Variants in RAP1GDS1 observed in about 807,000 individuals in gnomAD.
RAP1GDS1 encodes RAP1, GTP-GDP dissociation stimulator 1.
Under a neutral mutation model 71.1 loss-of-function variants are expected in RAP1GDS1, and 35 were observed. That is an observed-to-expected ratio of 0.49 (90% CI 0.38 to 0.65). The LOEUF (loss-of-function observed/expected upper bound fraction) is 0.65, where lower values mean the gene tolerates loss of function less well. RAP1GDS1 is among the 30% of genes least tolerant of loss of function. RAP1GDS1 has a pLI of 0.00. For missense variants in RAP1GDS1, 663 were observed against 706.1 expected (o/e 0.94, Z 0.69); for synonymous variants, 229 against 243.1 (o/e 0.94, Z 0.54).
In RAP1GDS1 at chr4:98,406,824, T is replaced by C. The variant is rs555634848; in HGVS notation, c.763+2222T>C. ...AAGTGAGTTGTCTAGTAACCAATTA[T>C]AAAAAGAAAACCAGGAAATCGCTGT... On this transcript the variant is annotated intron_variant, in intron 7 of 14. Coordinates refer to ENST00000408927, the MANE Select transcript of RAP1GDS1 (RefSeq NM_001100427.2). Among the ~76,000 whole-genome samples, 4 of 152,060 alleles carry C rather than the reference T, an allele frequency of 2.6e-5. No homozygotes were observed. The South Asian group carries it at 6.2e-4, about 24-fold the overall frequency.
intron 4 of RAP1GDS1, among the ~76,000 whole-genome samples, chr4:98,365,045 T>C (rs777068922): frequency 1.3e-5 from 2 of 151,990 alleles, no homozygotes; most frequent in Non-Finnish European, 2.9e-5. Context: ...AAAGTATGTA[T>C]GTGAATAAAC....
intron 4 of RAP1GDS1, 47 bp downstream of exon 4, chr4:98,352,648 GAT>G: frequency 6.3e-7 from 1 of 1,597,972 alleles, no homozygotes; most frequent in Non-Finnish European, 8.5e-7. Flanking sequence ...TAAGAATTAT[GAT>G]ATTCAGACTA....
chr4:98,320,025 G>C (rs1731560573), intron 2 of RAP1GDS1, among the ~76,000 whole-genome samples: 1 of 152,062 alleles, frequency 6.6e-6, no homozygotes, highest in Admixed American at 6.6e-5. Context: ...TCCACTTAAT[G>C]AATAGTAAAA....
chr4:98,315,069 T>G (rs1730750395), intron 2 of RAP1GDS1, among the ~76,000 whole-genome samples: 1 of 152,188 alleles, frequency 6.6e-6, no homozygotes, highest in Non-Finnish European at 1.5e-5. Flanking sequence ...TCCTTCCTTG[T>G]AGAATGTATT....
chr4:98,308,348 G>C (rs1244956176), intron 2 of RAP1GDS1, among the ~76,000 whole-genome samples: 3 of 123,752 alleles, frequency 2.4e-5, no homozygotes, highest in Non-Finnish European at 3.3e-5. Flanking sequence ...AGGCATGGTG[G>C]TGTGTCTCTC....
intron 2 of RAP1GDS1, among the ~76,000 whole-genome samples, chr4:98,325,886 A>G (rs437282): frequency 0.062 from 9,148 of 147,830 alleles, 412 homozygotes; most frequent in Middle Eastern, 0.16. Context: ...ACTAACGTGC[A>G]CAATATGCAC....
intron 3 of RAP1GDS1, among the ~76,000 whole-genome samples, chr4:98,348,082 A>G (rs890791026): frequency 2.6e-5 from 4 of 152,168 alleles, no homozygotes; most frequent in African/African-American, 4.8e-5. Flanking sequence ...CGTCATTTAC[A>G]TTAGGTATAT....
At chr4:98,303,106 A>T (rs999823979) in intron 2 of RAP1GDS1, among the ~76,000 whole-genome samples, 1 of 152,168 alleles carries the variant, frequency 6.6e-6, no homozygotes, top group African/African-American at 2.4e-5. Flanking sequence ...CCACATAGCA[A>T]TACAGAATTC....
At chr4:98,333,143 A>G (rs1734230241) in intron 2 of RAP1GDS1, among the ~76,000 whole-genome samples, 1 of 151,840 alleles carries the variant, frequency 6.6e-6, no homozygotes, top group Non-Finnish European at 1.5e-5. Context: ...TCTCTTTCCT[A>G]CTTATTTTAC....
intron 5 of RAP1GDS1, among the ~76,000 whole-genome samples, chr4:98,383,373 T>C (rs1387939150): frequency 1.3e-5 from 2 of 151,590 alleles, no homozygotes; most frequent in Admixed American, 1.3e-4. Flanking sequence ...ATATGCAGTC[T>C]AGGCTTCTTC....
chr4:98,309,533 T>C (rs555630431), intron 2 of RAP1GDS1, among the ~76,000 whole-genome samples: 1 of 152,000 alleles, frequency 6.6e-6, no homozygotes, highest in African/African-American at 2.4e-5. Flanking sequence ...AAATACAAAA[T>C]AGAGAGTAAA....
At chr4:98,380,458 T>C (rs1381998051) in intron 5 of RAP1GDS1, among the ~76,000 whole-genome samples, 1 of 151,828 alleles carries the variant, frequency 6.6e-6, no homozygotes, top group Non-Finnish European at 1.5e-5. Flanking sequence ...ATAGAGTTTT[T>C]ATTGATCAAA....
intron 5 of RAP1GDS1, among the ~76,000 whole-genome samples, chr4:98,380,537 C>T (rs1195549554): frequency 6.6e-6 from 1 of 151,630 alleles, no homozygotes; most frequent in South Asian, 2.1e-4. Context: ...ATCTGTTTTT[C>T]CTTCCTTCTG....
intron 1 of RAP1GDS1, among the ~76,000 whole-genome samples, chr4:98,270,749 C>G (rs529269803): frequency 5.1e-4 from 77 of 151,662 alleles, no homozygotes; most frequent in Non-Finnish European, 9.3e-4. Flanking sequence ...AAAGCTATAC[C>G]AAGTGAGTTG....
chr4:98,410,101 T>G (rs749452290), intron 7 of RAP1GDS1, among the ~76,000 whole-genome samples: 1 of 152,100 alleles, frequency 6.6e-6, no homozygotes, highest in Non-Finnish European at 1.5e-5. Context: ...AGGCCTCATC[T>G]CTACCAAAAA....
intron 1 of RAP1GDS1, among the ~76,000 whole-genome samples, chr4:98,273,014 C>T (rs1230817603): frequency 2.0e-5 from 3 of 152,124 alleles, no homozygotes; most frequent in African/African-American, 7.2e-5. Context: ...AGTTCTTCGG[C>T]AACTTCTCGT....
chr4:98,271,914 G>T (rs990642154), intron 1 of RAP1GDS1, among the ~76,000 whole-genome samples: 1 of 152,146 alleles, frequency 6.6e-6, no homozygotes, highest in Admixed American at 6.5e-5. Flanking sequence ...TAGAGCAATG[G>T]TTTTCAAACT....
At chr4:98,391,081 A>G (rs1277091753) in intron 5 of RAP1GDS1, among the ~76,000 whole-genome samples, 1 of 152,090 alleles carries the variant, frequency 6.6e-6, no homozygotes, top group Non-Finnish European at 1.5e-5. Flanking sequence ...GATTTTTTGT[A>G]TGTCTTTCTT....
rs543199019 is a variant in RAP1GDS1, at chr4:98,443,015, A to ATTTTTTTTTCTTTTTTTTTTTTTTTTT, written c.*907_*908insCTTTTTTTTTTTTTTTTTTTTTTTTTT. The ATTTTTTTTTCTTTTTTTTTTTTTTTTT allele has an allele frequency of 9.3e-4, 129 of 138,318 alleles. No individual in the cohort carries two copies. The highest frequency in any genetic ancestry group is 2.1e-3 in the Admixed American group (22 of 10,414). The allele number at this position is 138,318 out of a possible 1,614,324, so 8.6% of individuals were successfully genotyped here. ...TGAGTATAGTTCATTGAAGAATGGA[A>ATTTTTTTTTCTTTTTTTTTTTTTTTTT]TTTTTTTTTTTTTTTTTTTTTTTGC... On this transcript the variant is annotated 3_prime_UTR_variant, in exon 15 of 15. Coordinates refer to ENST00000408927, the MANE Select transcript of RAP1GDS1 (RefSeq NM_001100427.2).
Sources: allele counts gnomAD v4.1 joint callset (sites outside exome capture counted in the v4.1 genomes callset), GRCh38; gene constraint gnomAD v4.1.1; transcripts MANE v1.5; gene names NCBI Gene and HGNC (gene_info 2026-07-23, HGNC 2026-07-21).